CCL18: variants seen among roughly 807,000 people sequenced by gnomAD.
The protein encoded by CCL18 is C-C motif chemokine ligand 18, also known as C-C motif chemokine 18.
CCL18 carries 7 observed loss-of-function variants against 8.0 expected under a neutral mutation model. That is an observed-to-expected ratio of 0.87 (90% CI 0.50 to 1.64). The LOEUF (loss-of-function observed/expected upper bound fraction) is 1.64, where lower values mean the gene tolerates loss of function less well. Ranked by LOEUF, CCL18 falls within the 40% of genes most tolerant of loss-of-function variation. The probability of loss-of-function intolerance (pLI) is 0.00; values close to 1 mark genes in which losing one functional copy is unlikely to be tolerated. For missense variants in CCL18, 95 were observed against 107.8 expected, an observed-to-expected ratio of 0.88 and a Z score of 0.52; for synonymous variants, 35 against 41.3, an observed-to-expected ratio of 0.85 and a Z score of 0.59.
chr17:36,069,570 G>A (rs1041504611), intron 1 of CCL18, among the ~76,000 whole-genome samples: 4 of 152,084 alleles, frequency 2.6e-5, no homozygotes, highest in South Asian at 2.1e-4. Flanking sequence ...CATGTACCCC[G>A]AACTTAAAAG....
Position 36,069,274 on chromosome 17 carries a change from C to T in CCL18, c.68-1173C>T, listed in dbSNP as rs543437293. The stretch of plus-strand genomic sequence containing the variant: ...CCTTGTGAGAAGGCACCAGCTAACC[C>T]AGTCTCAGGGTGACACCAGCATCTC... On this transcript the variant is annotated intron_variant, in intron 1 of 2. Transcript: ENST00000616054. Among the ~76,000 whole-genome samples the T allele has an allele frequency of 2.0e-5, 3 of 152,276 alleles. No homozygotes were observed. The South Asian group carries it at 6.2e-4, about 32-fold the overall frequency.
intron 1 of CCL18, among the ~76,000 whole-genome samples, chr17:36,067,489 C>T (rs1168027852): frequency 1.3e-5 from 2 of 152,102 alleles, no homozygotes; most frequent in East Asian, 3.9e-4. Flanking sequence ...GAGTTCGAGA[C>T]CAGCCTGGCC....
intron 1 of CCL18, among the ~76,000 whole-genome samples, chr17:36,069,955 C>G (rs1467924877): frequency 2.0e-5 from 3 of 152,180 alleles, no homozygotes; most frequent in African/African-American, 7.2e-5. Flanking sequence ...GGGACTATTT[C>G]CCGAGGAGGA....
At chr17:36,066,977 C>G (rs191748596) in intron 1 of CCL18, among the ~76,000 whole-genome samples, 1 of 152,354 alleles carries the variant, frequency 6.6e-6, no homozygotes, top group African/African-American at 2.4e-5. Context: ...GCACCATGGT[C>G]ATTTCCTCCT....
chr17:36,070,675 C>T, intron 2 of CCL18, 117 bp downstream of exon 2: 1 of 688,610 alleles, frequency 1.5e-6, no homozygotes, highest in South Asian at 1.8e-5. Flanking sequence ...CCAGGGGAGG[C>T]CCCTGCAGTG....
intron 1 of CCL18, among the ~76,000 whole-genome samples, chr17:36,069,534 G>A (rs984155437): frequency 5.3e-5 from 8 of 152,106 alleles, no homozygotes; most frequent in African/African-American, 1.9e-4. Flanking sequence ...CCCATGACAT[G>A]AGTTTACCTA....
Position 36,071,242 on chromosome 17 carries a change from A to G in CCL18, c.*201A>G, listed in dbSNP as rs1052045626. The G allele has an allele frequency of 1.3e-5, 7 of 549,368 alleles. No homozygotes were observed. In the Admixed American group the frequency reaches 2.0e-4, roughly 16 times the overall value. 34.0% of individuals were successfully genotyped at this position (549,368 alleles called of 1,614,324 possible). A position where few individuals can be genotyped will look rare whatever the true frequency, so the allele number is the denominator to read the frequency against. ...AAATTGATTTCTATTGTTGAGCTGC[A>G]TTATGAAATTAGTATTTTCTCTGAC... On this transcript the variant is annotated 3_prime_UTR_variant, in exon 3 of 3. Transcript: ENST00000616054.
rs374115816 is a variant in CCL18 at position 36,064,355 on chromosome 17, G to A, written c.13G>A (p.Ala5Thr). The A allele has an allele frequency of 3.4e-5, 55 of 1,613,942 alleles. No individual in the cohort carries two copies. Among genetic ancestry groups the A allele is most frequent in the Non-Finnish European group, 4.7e-5 (55 of 1,179,958 alleles). The change falls in exon 1 of 3, where the codon GCA (alanine) becomes ACA (threonine). Residue 5 changes from alanine (A) to threonine (T), a missense_variant. By Grantham distance (58) the Ala-to-Thr change is moderately conservative. Transcript: ENST00000616054. The stretch of plus-strand genomic sequence containing the variant: ...CCTGCCCAGCATCATGAAGGGCCTT[G>A]CAGCTGCCCTCCTTGTCCTCGTCTG... MKGL[A>T]AALLVLVCTM...
rs1289264777 is a variant in CCL18, at chr17:36,071,024, C to G, written c.253C>G (p.Leu85Val). ...KKWVQKYISDLKLNA is the reference protein window; with the variant it reads ...KKWVQKYISDVKLNA Reference sequence around the variant, plus strand: ...GTGGGTCCAGAAATACATCAGCGACCTGAAGCTGAATGCCTGAGGGGCCTG... The same window carrying G: ...GTGGGTCCAGAAATACATCAGCGACGTGAAGCTGAATGCCTGAGGGGCCTG... Residue 85 changes from leucine (L) to valine (V), a missense_variant, in exon 3 of 3, where the codon CTG becomes GTG. Physicochemically the swap from Leu to Val is conservative, Grantham distance 32. Transcript: ENST00000616054. 6.2e-7 allele frequency: 1 copy of G among 1,612,548 alleles called. No individual in the cohort carries two copies. The highest frequency in any genetic ancestry group is 8.5e-7 in the Non-Finnish European group (1 of 1,178,578).
rs115723154 is a variant in CCL18 at position 36,065,125 on chromosome 17, C to T, written c.67+716C>T. ...TCCCAGTAGATGCACTGCAAATTTT[C>T]GGTTGCCTATTATAAAACCAGTGGT... is the stretch of plus-strand genomic sequence containing the variant. On this transcript the variant is annotated intron_variant, in intron 1 of 2. Transcript: ENST00000616054. Among the ~76,000 whole-genome samples, 323 of 152,220 alleles carry T rather than the reference C, an allele frequency of 2.1e-3. 4 individuals are homozygous for T. Among genetic ancestry groups the T allele is most frequent in the African/African-American group, 7.4e-3 (306 of 41,522 alleles).
chr17:36,069,727 G>A (rs952007669), intron 1 of CCL18, among the ~76,000 whole-genome samples: 15 of 152,170 alleles, frequency 9.9e-5, no homozygotes, highest in South Asian at 2.1e-4. Context: ...AGCTCTTCCC[G>A]GCAGCCATGG....
chr17:36,067,449 G>A (rs2066843335), intron 1 of CCL18, among the ~76,000 whole-genome samples: 1 of 152,144 alleles, frequency 6.6e-6, no homozygotes, highest in African/African-American at 2.4e-5. Flanking sequence ...CACTTTGGGA[G>A]GCCGAGGCAA....
intron 1 of CCL18, among the ~76,000 whole-genome samples, chr17:36,067,627 C>A (rs540652008): frequency 6.6e-6 from 1 of 152,164 alleles, no homozygotes; most frequent in South Asian, 2.1e-4. Flanking sequence ...GTGGGGGTTG[C>A]ATTGACCTGG....
chr17:36,066,512 A>G (rs769251398), intron 1 of CCL18, among the ~76,000 whole-genome samples: 1 of 152,238 alleles, frequency 6.6e-6, no homozygotes, highest in Non-Finnish European at 1.5e-5. Flanking sequence ...AGAGGGGAAG[A>G]TGTTAAGTGC....
At chr17:36,069,319 A>T (rs2066853325) in intron 1 of CCL18, among the ~76,000 whole-genome samples, 2 of 152,188 alleles carry the variant, frequency 1.3e-5, no homozygotes, top group South Asian at 4.1e-4. Context: ...CACTGTGGAA[A>T]CCATTTCCCC....
rs2030381954 is a variant in CCL18 at position 36,071,344 on chromosome 17, T to C, written c.*303T>C. Reference sequence around the variant, plus strand: ...TACATTCAATGCATGGATCAATCAGTGTGATTAGCTTTCTCAGCAGACATT... The same window carrying C: ...TACATTCAATGCATGGATCAATCAGCGTGATTAGCTTTCTCAGCAGACATT... On this transcript the variant is annotated 3_prime_UTR_variant, in exon 3 of 3. Transcript: ENST00000616054. The C allele has an allele frequency of 3.0e-6, 1 of 337,050 alleles. No individual in the cohort carries two copies. Among genetic ancestry groups the C allele is most frequent in the African/African-American group, 2.1e-5 (1 of 46,964 alleles). The allele number at this position is 337,050 out of a possible 1,614,324, so 20.9% of individuals were successfully genotyped here.
Position 36,071,691 on chromosome 17 carries a change from G to C in CCL18, c.*650G>C, listed in dbSNP as rs2142054311. On this transcript the variant is annotated 3_prime_UTR_variant, in exon 3 of 3. Coordinates refer to ENST00000616054, the MANE Select transcript of CCL18 (RefSeq NM_002988.4). Reference sequence around the variant, plus strand: ...ACCATATTGTAACTGAAATGTGATAGAAAAATTTTCTACTTAAATGAATAT... The same window carrying C: ...ACCATATTGTAACTGAAATGTGATACAAAAATTTTCTACTTAAATGAATAT... The C allele has an allele frequency of 6.6e-6, 1 of 152,298 alleles. No homozygotes were observed. Among genetic ancestry groups the C allele is most frequent in the South Asian group, 2.1e-4 (1 of 4,818 alleles). The allele number at this position is 152,298 out of a possible 1,614,324, so 9.4% of individuals were successfully genotyped here.
At chr17:36,070,866 A>T in intron 2 of CCL18, 85 bp from the exon 3 acceptor site, 1 of 1,022,484 alleles carries the variant, frequency 9.8e-7, no homozygotes, top group Non-Finnish European at 1.6e-6. Context: ...AGGCCCTGAG[A>T]TGCCTGGGAC....
Position 36,071,119 on chromosome 17 carries a change from C to A in CCL18, c.*78C>A. 1.1e-6 allele frequency: 1 copy of A among 942,354 alleles called. No individual in the cohort carries two copies. The highest frequency in any genetic ancestry group is 1.7e-6 in the Non-Finnish European group (1 of 599,146). The allele number at this position is 942,354 out of a possible 1,614,324, so 58.4% of individuals were successfully genotyped here. A position where few individuals can be genotyped will look rare whatever the true frequency, so the allele number is the denominator to read the frequency against. On this transcript the variant is annotated 3_prime_UTR_variant, in exon 3 of 3. Coordinates refer to ENST00000616054, the MANE Select transcript of CCL18 (RefSeq NM_002988.4). ...AGGAGCCTGAGCCAGGGCAATGGCC[C>A]TGCCACCCTGGAGGCTACCTCTTCT...
Sources: gnomAD v4.1 joint callset for allele counts (sites outside exome capture counted in the v4.1 genomes callset) on GRCh38, gnomAD v4.1.1 for gene constraint, MANE v1.5 for transcripts, NCBI Gene and HGNC (gene_info 2026-07-23, HGNC 2026-07-21) for gene names.